The following ZNF595 variants were observed in gnomAD, a reference collection of about 807,000 sequenced individuals.
ZNF595 encodes the protein zinc finger protein 595.
ZNF595 carries 9 observed loss-of-function variants against 19.4 expected under a neutral mutation model. That is an observed-to-expected ratio of 0.46 (90% CI 0.28 to 0.81). ZNF595 has a LOEUF of 0.81. ZNF595 is among the 30% of genes least tolerant of loss of function. ZNF595 has a pLI of 0.11. For missense variants in ZNF595, 729 were observed against 736.0 expected (o/e 0.99, Z 0.11); for synonymous variants, 255 against 255.9 (o/e 1.00, Z 0.03).
At chr4:66,707 T>G (rs2108750870) in intron 3 of ZNF595, among the ~76,000 whole-genome samples, 1 of 152,362 alleles carries the variant, frequency 6.6e-6, no homozygotes, top group South Asian at 2.1e-4. Context: ...TGTCTTTCTC[T>G]TATTGTGTGG....
intron 3 of ZNF595, among the ~76,000 whole-genome samples, chr4:83,425 G>T (rs1714001226): frequency 6.6e-6 from 1 of 151,792 alleles, no homozygotes. Flanking sequence ...GAGATCACTG[G>T]CTAACATGGT....
chr4:73,061 AG>A (rs1713495732), intron 3 of ZNF595, among the ~76,000 whole-genome samples: 1 of 152,142 alleles, frequency 6.6e-6, no homozygotes. Flanking sequence ...GTCCTCTGAG[AG>A]GGTGTAATTG....
At chr4:79,637 A>G (rs971999395) in intron 3 of ZNF595, among the ~76,000 whole-genome samples, 3 of 138,714 alleles carry the variant, frequency 2.2e-5, no homozygotes, top group Non-Finnish European at 4.7e-5. Flanking sequence ...TTTATAGTAT[A>G]TTTTCGAATC....
chr4:69,825 T>G (rs1261204475), intron 3 of ZNF595, among the ~76,000 whole-genome samples: 1 of 152,206 alleles, frequency 6.6e-6, no homozygotes, highest in Non-Finnish European at 1.5e-5. Context: ...TGTGGGGGTA[T>G]TATTCAAGAC....
At chr4:79,169 T>G (rs941404685) in intron 3 of ZNF595, among the ~76,000 whole-genome samples, 27 of 152,246 alleles carry the variant, frequency 1.8e-4, no homozygotes, top group African/African-American at 6.0e-4. Context: ...TCTATAATTT[T>G]ATAATTCTTC....
In ZNF595 at chr4:86,936, A is replaced by G. The variant is rs782003369; in HGVS notation, c.1432A>G (p.Lys478Glu). 4 of 1,611,098 alleles carry G rather than the reference A, an allele frequency of 2.5e-6. No individual in the cohort carries two copies. Among genetic ancestry groups the G allele is most frequent in the Non-Finnish European group, 3.4e-6 (4 of 1,178,234 alleles). Residue 478 changes from lysine (K) to glutamate (E), a missense_variant, in exon 4 of 4, where the codon AAA becomes GAA. Physicochemically the swap from Lys to Glu is moderately conservative, Grantham distance 56. Around this residue, in one of 2 missense-constraint regions of ZNF595, gnomAD observed 729 missense variants for 675.3 expected, o/e 1.08. Coordinates refer to ENST00000610261, the MANE Select transcript of ZNF595 (RefSeq NM_182524.4). ...NEHKKIHTGE[K>E]PYKCEECGKA... is the part of the protein sequence containing the mutation. ...ACATAAGAAAATTCATACTGGCGAGAAACCCTACAAATGTGAAGAATGTGG... is the reference window on the plus strand; with the variant it reads ...ACATAAGAAAATTCATACTGGCGAGGAACCCTACAAATGTGAAGAATGTGG...
intron 3 of ZNF595, among the ~76,000 whole-genome samples, chr4:80,399 G>A (rs1295209762): frequency 2.0e-5 from 3 of 152,178 alleles, no homozygotes; most frequent in Non-Finnish European, 2.9e-5. Context: ...GGCCATATAT[G>A]ACAAGTCAAT....
chr4:83,619 C>CAAAAAA lies in ZNF595; in HGVS notation c.227-2091_227-2086dup, dbSNP rs71164492. 3.5e-3 allele frequency among the ~76,000 whole-genome samples: 135 copies of CAAAAAA among 38,552 alleles called. 5 individuals are homozygous for CAAAAAA. The highest frequency in any genetic ancestry group is 6.6e-3 in the African/African-American group (116 of 17,554). 25.3% of individuals were successfully genotyped at this position (38,552 alleles called of 152,430 possible). On this transcript the variant is annotated intron_variant, in intron 3 of 3. Transcript: ENST00000610261. ...TGGGTGACAGAGTGAGACTCCGTCT[C>CAAAAAA]AAAAAAAAAAAAAAAAAAAAAAAAA...
intron 3 of ZNF595, among the ~76,000 whole-genome samples, chr4:85,226 C>G (rs1227376566): frequency 6.6e-6 from 1 of 152,190 alleles, no homozygotes; most frequent in Non-Finnish European, 1.5e-5. Flanking sequence ...GCAGCCTGCT[C>G]CTGAAACATT....
intron 3 of ZNF595, among the ~76,000 whole-genome samples, chr4:75,661 T>C (rs1452733801): frequency 6.6e-6 from 1 of 152,228 alleles, no homozygotes; most frequent in African/African-American, 2.4e-5. Context: ...ATTTTGTTCA[T>C]TGTTTTCTGA....
rs1553801693 is a variant in ZNF595 at position 86,651 on chromosome 4, C to T, written c.1147C>T (p.Leu383Phe). 1.2e-6 allele frequency: 2 copies of T among 1,613,304 alleles called. No homozygotes were observed. The highest frequency in any genetic ancestry group is 3.3e-5 in the Admixed American group (2 of 59,904). Residue 383 changes from leucine (L) to phenylalanine (F), a missense_variant, in exon 4 of 4, where the codon CTT (leucine) becomes TTT (phenylalanine). Leu to Phe is a conservative substitution (Grantham distance 22). Coordinates refer to ENST00000610261, the MANE Select transcript of ZNF595 (RefSeq NM_182524.4). ...CGKAFTWSSS[L>F]NKHKRIHTGE... The stretch of plus-strand genomic sequence containing the variant: ...CAAAGCCTTTACTTGGTCCTCATCC[C>T]TTAATAAACATAAGAGAATTCATAC...
intron 3 of ZNF595, among the ~76,000 whole-genome samples, chr4:79,897 G>T (rs1553799538): frequency 1.3e-5 from 2 of 151,470 alleles, no homozygotes; most frequent in African/African-American, 4.9e-5. Flanking sequence ...GTCTTTTTCA[G>T]TTTCTTGCCA....
At position 87,414 on chromosome 4, in the gene ZNF595, T is replaced by A; in HGVS notation, c.1910T>A (p.Val637Glu). 6.2e-7 allele frequency: 1 copy of A among 1,605,850 alleles called. No homozygotes were observed. The highest frequency in any genetic ancestry group is 8.5e-7 in the Non-Finnish European group (1 of 1,176,168). Residue 637 changes from valine (V) to glutamate (E), a missense_variant, in exon 4 of 4, where the codon GTA becomes GAA. Val to Glu is a moderately radical substitution (Grantham distance 121). This residue lies in a region of ZNF595 where 729 missense variants were observed against 675.3 expected (regional missense o/e 1.08). Coordinates refer to ENST00000610261, the MANE Select transcript of ZNF595 (RefSeq NM_182524.4). ...KAFNRPSTLT[V>E]HKRIHTGKEH... is the part of the protein sequence containing the mutation. ...TTTAATCGGCCCTCAACCCTTACTG[T>A]ACACAAGCGAATTCATACTGGCAAG...
rs782468270 is a variant in ZNF595 at position 86,590 on chromosome 4, T to C, written c.1086T>C (p.His362=). 1 of 1,613,490 alleles carries C rather than the reference T, an allele frequency of 6.2e-7. No individual in the cohort carries two copies. The highest frequency in any genetic ancestry group is 2.2e-5 in the East Asian group (1 of 44,842). Residue 362 remains histidine (H), a synonymous_variant, in exon 4 of 4, where the codon CAT becomes CAC. Coordinates refer to ENST00000610261, the MANE Select transcript of ZNF595 (RefSeq NM_182524.4). ...GTCTTATTATACACAGGAGCATTCA[T>C]TCTGAACAAAAACTTTACAAATGTG... ...SSSLIIHRSI[H]SEQKLYKCEE...
At chr4:68,624 A>T (rs1713300597) in intron 3 of ZNF595, 2 of 152,318 alleles carry the variant, frequency 1.3e-5, no homozygotes, top group African/African-American at 4.8e-5. Context: ...TATTATTTTA[A>T]TTTTTGTGAG....
chr4:85,809 G>C lies in ZNF595; in HGVS notation c.305G>C (p.Arg102Thr). ...EDSFHKLILK[R>T]YEKCGHENLQ... ...TCATTCCACAAACTTATACTGAAAA[G>C]ATACGAGAAATGTGGACATGAGAAT... The change falls in exon 4 of 4, where the codon AGA becomes ACA. Residue 102 changes from arginine (R) to threonine (T), a missense_variant. By Grantham distance (71) the Arg-to-Thr change is moderately conservative (BLOSUM62 -1). This residue lies in a region of ZNF595 where 729 missense variants were observed against 675.3 expected (regional missense o/e 1.08). Coordinates refer to ENST00000610261, the MANE Select transcript of ZNF595 (RefSeq NM_182524.4). 6.2e-7 allele frequency: 1 copy of C among 1,613,872 alleles called. No homozygotes were observed. Among genetic ancestry groups the C allele is most frequent in the Non-Finnish European group, 8.5e-7 (1 of 1,179,878 alleles).
At chr4:68,451 T>A (rs1713283650) in intron 3 of ZNF595, 2 of 152,384 alleles carry the variant, frequency 1.3e-5, no homozygotes, top group South Asian at 4.2e-4. Context: ...TTCTACATGT[T>A]TTTGGCATTG....
rs1714243160 is a variant in ZNF595 at position 87,096 on chromosome 4, C to T, written c.1592C>T (p.Ser531Phe). Residue 531 changes from serine to phenylalanine, a missense_variant, in exon 4 of 4, where the codon TCT becomes TTT. By Grantham distance (155) the Ser-to-Phe change is radical. Transcript: ENST00000610261. The part of the protein sequence containing the change: ...SGLIIHRSIH[S>F]EQKLYKCEEC... Reference sequence around the variant, plus strand: ...CTTATTATACACAGGAGCATTCATTCTGAACAAAAACTTTACAAATGTGAA... The same window carrying T: ...CTTATTATACACAGGAGCATTCATTTTGAACAAAAACTTTACAAATGTGAA... 3 of 1,613,970 alleles carry T rather than the reference C, an allele frequency of 1.9e-6. No individual in the cohort carries two copies. Among genetic ancestry groups the T allele is most frequent in the Middle Eastern group, 3.3e-4 (2 of 6,062 alleles).
chr4:72,931 A>T (rs1713490670), intron 3 of ZNF595, among the ~76,000 whole-genome samples: 1 of 152,180 alleles, frequency 6.6e-6, no homozygotes, highest in South Asian at 2.1e-4. Flanking sequence ...CTGCAGGTGT[A>T]CCAGCCTGGC....
Sources: allele counts gnomAD v4.1 joint callset (sites outside exome capture counted in the v4.1 genomes callset), GRCh38; gene constraint gnomAD v4.1.1; regional missense constraint gnomAD v4.1.1; transcripts MANE v1.5; gene names NCBI Gene and HGNC (gene_info 2026-07-23, HGNC 2026-07-21).